NAGA: variants seen among roughly 807,000 people sequenced by gnomAD.
NAGA encodes Acetylgalactosaminidase, alpha-N- (alpha-galactosidase B).
In NAGA, 42 loss-of-function variants were observed where a neutral mutation model predicts 45.6. The ratio of observed to expected loss-of-function variants is 0.92; its 90% CI spans 0.72 to 1.19. The LOEUF is 1.19. Among genes scored for constraint, NAGA ranks in the 50% most tolerant of loss-of-function variants. The pLI is 0.00. For synonymous variants in NAGA, 176 were observed against 203.1 expected (o/e 0.87, Z 1.13); for missense variants, 493 against 544.8 (o/e 0.90, Z 0.95).
intron 5 of NAGA, 40 bp from the exon 6 acceptor site, chr22:42,065,939 AC>A: frequency 1.2e-6 from 2 of 1,608,170 alleles, no homozygotes; most frequent in Non-Finnish European, 1.7e-6. Context: ...CACCAGAATC[AC>A]ACGCTGCAGC....
In NAGA at chr22:42,061,016, C is replaced by T. The variant is rs144560510; in HGVS notation, c.1009G>A (p.Ala337Thr). 66 of 1,614,078 alleles carry T rather than the reference C, an allele frequency of 4.1e-5. No homozygotes were observed. Among genetic ancestry groups the T allele is most frequent in the African/African-American group, 1.5e-4 (11 of 74,930 alleles). ...YMRPLSNKAS[A>T]LVFFSCRTDM... ...GTCCTGCAGCTGAAGAAGACTAAGG[C>T]GCTAGCCTTGTTGGACAGAGGCCGC... is the stretch of plus-strand genomic sequence containing the variant. Residue 337 changes from alanine (A) to threonine (T), a missense_variant, in exon 8 of 9, where the codon GCC (alanine) becomes ACC (threonine). Transcript: ENST00000396398.
chr22:42,065,448 T>C (rs1477126663), intron 6 of NAGA, among the ~76,000 whole-genome samples: 1 of 152,178 alleles, frequency 6.6e-6, no homozygotes, highest in Non-Finnish European at 1.5e-5. Flanking sequence ...TAACATCTTA[T>C]TCCAGGGTCA....
intron 1 of NAGA, 75 bp downstream of exon 1, chr22:42,070,207 T>C: frequency 1.3e-6 from 2 of 1,529,944 alleles, no homozygotes; most frequent in Non-Finnish European, 1.8e-6. Context: ...ATACCCACAT[T>C]AGGGAAGAAG....
At chr22:42,065,999 G>A in intron 5 of NAGA, 100 bp from the exon 6 acceptor site, 4 of 1,445,862 alleles carry the variant, frequency 2.8e-6, no homozygotes, top group Non-Finnish European at 3.8e-6. Flanking sequence ...GAGACAGAGA[G>A]TGGGGAAGAG....
rs766252310 is a variant in NAGA, at chr22:42,065,834, G to A, written c.663C>T (p.Ser221=). 3 of 1,614,188 alleles carry A rather than the reference G, an allele frequency of 1.9e-6. No homozygotes were observed. Among genetic ancestry groups the A allele is most frequent in the Non-Finnish European group, 2.5e-6 (3 of 1,180,024 alleles). The change falls in exon 6 of 9, where the codon TCC becomes TCT. Residue 221 remains serine, a synonymous_variant. Transcript: ENST00000396398. The part of the protein sequence containing the change: ...LWRNYDDIQD[S]WWSVLSILNW... ...TCAGGATGGAGAGCACGCTCCACCA[G>A]GAGTCCTGGATGTCATCATAGTTAC...
In NAGA at chr22:42,060,262, T is replaced by C; in HGVS notation, c.*17A>G. On this transcript the variant is annotated 3_prime_UTR_variant, in exon 9 of 9. Coordinates refer to ENST00000396398, the MANE Select transcript of NAGA (RefSeq NM_000262.3). ...GGCTCAGTGGTGCCACCACAGCCTG[T>C]CACATGTCCCAGCTCCTCACTGCTG... The C allele has an allele frequency of 6.2e-7, 1 of 1,612,806 alleles. No individual in the cohort carries two copies. The highest frequency in any genetic ancestry group is 2.2e-5 in the East Asian group (1 of 44,856).
In NAGA at chr22:42,070,576, G is replaced by C. The variant is rs781422546; in HGVS notation, c.-279C>G. 79 of 573,136 alleles carry C rather than the reference G, an allele frequency of 1.4e-4. No individual in the cohort carries two copies. The highest frequency in any genetic ancestry group is 2.2e-4 in the Non-Finnish European group (71 of 318,210). 35.5% of individuals were successfully genotyped at this position (573,136 alleles called of 1,614,324 possible). The stretch of plus-strand genomic sequence containing the variant: ...CCTCACACCCTCTGCAGTGCTGGGA[G>C]TCCCGAGGGCCTACGGGCCGCCTTC... On this transcript the variant is annotated 5_prime_UTR_variant, in exon 1 of 9. Coordinates refer to ENST00000396398, the MANE Select transcript of NAGA (RefSeq NM_000262.3).
At chr22:42,064,378 C>T (rs1926592361) in intron 6 of NAGA, among the ~76,000 whole-genome samples, 1 of 148,936 alleles carries the variant, frequency 6.7e-6, no homozygotes, top group East Asian at 2.0e-4. Flanking sequence ...TGGTGGCTCA[C>T]ACCTGTAATC....
At chr22:42,061,463 G>GA (rs1926388174) in intron 7 of NAGA, among the ~76,000 whole-genome samples, 1 of 152,350 alleles carries the variant, frequency 6.6e-6, no homozygotes, top group African/African-American at 2.4e-5. Flanking sequence ...TGGGAACAGT[G>GA]AACTCTGTTC....
chr22:42,070,526 G>GA lies in NAGA; in HGVS notation c.-230dup. The GA allele has an allele frequency of 1.6e-6, 1 of 640,644 alleles. No homozygotes were observed. Among genetic ancestry groups the GA allele is most frequent in the South Asian group, 1.7e-5 (1 of 57,886 alleles). 39.7% of individuals were successfully genotyped at this position (640,644 alleles called of 1,614,324 possible). On this transcript the variant is annotated 5_prime_UTR_variant, in exon 1 of 9. Coordinates refer to ENST00000396398, the MANE Select transcript of NAGA (RefSeq NM_000262.3). ...GCTTCAGTTCTTCCTTCAGAAATAC[G>GA]AAACAACGTGTCTTGGATGTCAGAC...
intron 7 of NAGA, among the ~76,000 whole-genome samples, chr22:42,061,490 G>A (rs948603110): frequency 6.6e-6 from 1 of 152,224 alleles, no homozygotes; most frequent in Non-Finnish European, 1.5e-5. Context: ...GGTGGAGAGT[G>A]GAGCTGGATG....
chr22:42,060,993 C>T lies in NAGA; in HGVS notation c.1032G>A (p.Arg344=). 1 of 1,614,218 alleles carries T rather than the reference C, an allele frequency of 6.2e-7. No homozygotes were observed. The highest frequency in any genetic ancestry group is 8.5e-7 in the Non-Finnish European group (1 of 1,180,042). Residue 344 remains arginine, a synonymous_variant, in exon 8 of 9, where the codon AGG becomes AGA. Coordinates refer to ENST00000396398, the MANE Select transcript of NAGA (RefSeq NM_000262.3). ...KASALVFFSC[R]TDMPYRYHSS... Reference sequence around the variant, plus strand: ...AGTGGTAGCGATAAGGCATATCGGTCCTGCAGCTGAAGAAGACTAAGGCGC... The same window carrying T: ...AGTGGTAGCGATAAGGCATATCGGTTCTGCAGCTGAAGAAGACTAAGGCGC...
chr22:42,060,883 C>G (rs1178275502), intron 8 of NAGA, 41 bp downstream of exon 8: 15 of 1,613,658 alleles, frequency 9.3e-6, no homozygotes, highest in Admixed American at 5.0e-5. Context: ...CCACAGAAAT[C>G]TGAAGCCCAG....
intron 3 of NAGA, 28 bp downstream of exon 3, chr22:42,067,736 GC>G (rs1926824936): frequency 6.2e-7 from 1 of 1,603,048 alleles, no homozygotes; most frequent in Non-Finnish European, 8.5e-7. Context: ...TAGCCCTGAG[GC>G]CAAGGGCAGG....
chr22:42,064,478 A>AG (rs1926602605), intron 6 of NAGA, among the ~76,000 whole-genome samples: 1 of 144,674 alleles, frequency 6.9e-6, no homozygotes, highest in South Asian at 2.2e-4. Flanking sequence ...ATCTCTACTA[A>AG]AAAAAAAAAA....
At chr22:42,065,050 A>G (rs1926644513) in intron 6 of NAGA, among the ~76,000 whole-genome samples, 1 of 152,208 alleles carries the variant, frequency 6.6e-6, no homozygotes, top group Non-Finnish European at 1.5e-5. Context: ...CCAATTGACA[A>G]AACTGAGGCA....
intron 7 of NAGA, 71 bp downstream of exon 7, chr22:42,062,756 G>T: frequency 1.3e-6 from 2 of 1,551,966 alleles, no homozygotes; most frequent in Non-Finnish European, 1.8e-6. Flanking sequence ...CCCCCAGGGA[G>T]GCTGGCAGCC....
At position 42,067,930 on chromosome 22, in the gene NAGA, C is replaced by T. The variant is rs771304136; in HGVS notation, c.159G>A (p.Gln53=). ...TCCGGTCAGCCATCTCCATGAAGAG[C>T]TGTTCACTAGTGAGGGGCAGAGGGA... ...DEDPKNCISE[Q]LFMEMADRMA... Residue 53 remains glutamine, a synonymous_variant, in exon 3 of 9, where the codon CAG becomes CAA. Coordinates refer to ENST00000396398, the MANE Select transcript of NAGA (RefSeq NM_000262.3). 3 of 1,613,394 alleles carry T rather than the reference C, an allele frequency of 1.9e-6. No homozygotes were observed. The highest frequency in any genetic ancestry group is 1.3e-5 in the African/African-American group (1 of 74,934).
chr22:42,068,617 C>T (rs760870828), intron 1 of NAGA, 43 bp from the exon 2 acceptor site: 2 of 1,611,290 alleles, frequency 1.2e-6, no homozygotes, highest in South Asian at 1.1e-5. Flanking sequence ...TCAGTTGCCC[C>T]CACAGCTCCA....
Sources: gnomAD v4.1 joint callset for allele counts (sites outside exome capture counted in the v4.1 genomes callset) on GRCh38, gnomAD v4.1.1 for gene constraint, MANE v1.5 for transcripts, NCBI Gene and HGNC (gene_info 2026-07-23, HGNC 2026-07-21) for gene names.